EPB41L4B: variants seen among roughly 807,000 people sequenced by gnomAD.
The protein encoded by EPB41L4B is erythrocyte membrane protein band 4.1 like 4B.
In EPB41L4B, 30 loss-of-function variants were observed where a neutral mutation model predicts 112.5. That is an observed-to-expected ratio of 0.27 (90% confidence interval 0.20 to 0.36). The LOEUF is 0.36. Ranked by LOEUF, EPB41L4B falls within the 10% of genes least tolerant of loss-of-function variation. The pLI, the probability that EPB41L4B is intolerant of heterozygous loss-of-function variation, is 1.00. For synonymous variants in EPB41L4B, 408 were observed against 439.7 expected, an observed-to-expected ratio of 0.93 and a Z score of 0.90; for missense variants, 1,024 against 1,133.3, an observed-to-expected ratio of 0.90 and a Z score of 1.38.
chr9:109,187,820 G>A (rs1473103250), intron 22 of EPB41L4B, among the ~76,000 whole-genome samples: 1 of 152,226 alleles, frequency 6.6e-6, no homozygotes. Context: ...CTTAAGGGAT[G>A]GTCCAGCATT....
At chr9:109,258,150 G>C in intron 7 of EPB41L4B, 27 bp downstream of exon 7, 1 of 1,600,600 alleles carries the variant, frequency 6.2e-7, no homozygotes, top group Non-Finnish European at 8.5e-7. Flanking sequence ...AGATACATCA[G>C]AATGCTAGAC....
intron 11 of EPB41L4B, 135 bp downstream of exon 11, chr9:109,255,376 C>CT: frequency 9.8e-7 from 1 of 1,017,170 alleles, no homozygotes; most frequent in Non-Finnish European, 1.4e-6. Flanking sequence ...AGTTACTCAC[C>CT]TTAAGAAACG....
intron 1 of EPB41L4B, among the ~76,000 whole-genome samples, chr9:109,299,526 C>A (rs1174408977): frequency 1.3e-5 from 2 of 152,230 alleles, no homozygotes; most frequent in African/African-American, 4.8e-5. Flanking sequence ...CCAAGAGATT[C>A]TCTTTCTTGC....
At chr9:109,244,884 C>G (rs556207227) in intron 14 of EPB41L4B, among the ~76,000 whole-genome samples, 1 of 150,728 alleles carries the variant, frequency 6.6e-6, no homozygotes, top group South Asian at 2.1e-4. Flanking sequence ...GCTTAGTAAG[C>G]AGTGGCCTGC....
intron 1 of EPB41L4B, among the ~76,000 whole-genome samples, chr9:109,312,020 G>A (rs573865133): frequency 6.6e-6 from 1 of 152,268 alleles, no homozygotes; most frequent in East Asian, 1.9e-4. Flanking sequence ...CCAGAGACAG[G>A]TATTACTCAC....
chr9:109,178,994 T>C (rs900020590), intron 24 of EPB41L4B, among the ~76,000 whole-genome samples: 4 of 151,458 alleles, frequency 2.6e-5, no homozygotes, highest in Admixed American at 1.3e-4. Context: ...AAGTATCTGT[T>C]TTTTAATATT....
intron 24 of EPB41L4B, among the ~76,000 whole-genome samples, chr9:109,177,304 C>T (rs1831877350): frequency 6.6e-6 from 1 of 152,094 alleles, no homozygotes; most frequent in East Asian, 1.9e-4. Context: ...ATTCTCAGGC[C>T]TCACCCAAGA....
chr9:109,279,965 C>A, intron 1 of EPB41L4B, 44 bp from the exon 2 acceptor site: 1 of 1,470,520 alleles, frequency 6.8e-7, no homozygotes, highest in Admixed American at 2.0e-5. Context: ...GGTGAGACAG[C>A]TAGATAAGAA....
At chr9:109,194,867 T>C (rs961587344) in intron 20 of EPB41L4B, among the ~76,000 whole-genome samples, 3 of 152,188 alleles carry the variant, frequency 2.0e-5, no homozygotes, top group African/African-American at 4.8e-5. Flanking sequence ...TCTAGGAACG[T>C]CACATAAGTG....
chr9:109,319,994 A>C, intron 1 of EPB41L4B, 147 bp downstream of exon 1: 1 of 616,712 alleles, frequency 1.6e-6, no homozygotes, highest in Non-Finnish European at 2.3e-6. Context: ...AAGAAGAAAA[A>C]GGGTTGAGGA....
chr9:109,254,953 G>T (rs985768691), intron 11 of EPB41L4B, among the ~76,000 whole-genome samples: 2 of 152,332 alleles, frequency 1.3e-5, no homozygotes, highest in African/African-American at 4.8e-5. Flanking sequence ...AGTTCACAGG[G>T]TTGAATCTCC....
At chr9:109,256,546 C>T (rs764953356) in intron 7 of EPB41L4B, 66 bp from the exon 8 acceptor site, 195 of 1,382,118 alleles carry the variant, frequency 1.4e-4, no homozygotes, top group Non-Finnish European at 1.8e-4. Flanking sequence ...CTGAAGGGCA[C>T]GGCCTTACTA....
At chr9:109,187,889 T>A (rs538469191) in intron 22 of EPB41L4B, among the ~76,000 whole-genome samples, 30 of 152,302 alleles carry the variant, frequency 2.0e-4, no homozygotes, top group African/African-American at 7.2e-4. Flanking sequence ...CCTTTCTCAA[T>A]ATACATCTGA....
At chr9:109,313,946 A>C (rs1837523353) in intron 1 of EPB41L4B, among the ~76,000 whole-genome samples, 1 of 152,220 alleles carries the variant, frequency 6.6e-6, no homozygotes, top group Admixed American at 6.5e-5. Context: ...TGTTTAATGA[A>C]ACTGTAGATG....
intron 14 of EPB41L4B, among the ~76,000 whole-genome samples, chr9:109,246,929 C>T (rs932645204): frequency 3.3e-5 from 5 of 152,264 alleles, no homozygotes; most frequent in African/African-American, 9.6e-5. Flanking sequence ...ATGAGTTCAC[C>T]ACTACCAAAA....
At chr9:109,225,828 T>C (rs1388087193) in intron 15 of EPB41L4B, among the ~76,000 whole-genome samples, 2 of 152,156 alleles carry the variant, frequency 1.3e-5, no homozygotes, top group Non-Finnish European at 2.9e-5. Context: ...CATAGGGTGC[T>C]CTGGGTAGAG....
In EPB41L4B at chr9:109,255,811, C is replaced by T. The variant is rs888853573; in HGVS notation, c.962G>A (p.Ser321Asn). The T allele has an allele frequency of 6.2e-7, 1 of 1,613,806 alleles. No individual in the cohort carries two copies. Among genetic ancestry groups the T allele is most frequent in the Non-Finnish European group, 8.5e-7 (1 of 1,179,948 alleles). ...PKITKMDFKKSKLTLVVVEDD... is the reference protein window; with the variant it reads ...PKITKMDFKKNKLTLVVVEDD... The stretch of plus-strand genomic sequence containing the variant: ...CTCGACCACCACGAGTGTCAATTTG[C>T]TCTTTTTAAAATCCATTTTGGTAAT... The change falls in exon 10 of 26, where the codon AGC becomes AAC. Residue 321 changes from serine to asparagine, a missense_variant. Physicochemically the swap from Ser to Asn is conservative, Grantham distance 46. Transcript: ENST00000374566.
chr9:109,314,528 C>T (rs1353657198), intron 1 of EPB41L4B, among the ~76,000 whole-genome samples: 5 of 152,058 alleles, frequency 3.3e-5, no homozygotes, highest in East Asian at 1.9e-4. Flanking sequence ...GGCCAACCCC[C>T]GCCCCTTATT....
At chr9:109,217,257 A>T in intron 15 of EPB41L4B, 112 bp from the exon 16 acceptor site, 6 of 850,272 alleles carry the variant, frequency 7.1e-6, no homozygotes, top group Non-Finnish European at 1.1e-5. Flanking sequence ...TAAACTCAAA[A>T]ACTAGATCTG....
Sources: allele counts gnomAD v4.1 joint callset (sites outside exome capture counted in the v4.1 genomes callset), GRCh38; gene constraint gnomAD v4.1.1; transcripts MANE v1.5; gene names NCBI Gene and HGNC (gene_info 2026-07-23, HGNC 2026-07-21).